The following DNAAF11 variants were observed in gnomAD, a reference collection of about 807,000 sequenced individuals.
DNAAF11 encodes the protein leucine rich repeat containing 6.
Under a neutral mutation model 60.8 loss-of-function variants are expected in DNAAF11, and 45 were observed. The ratio of observed to expected loss-of-function variants is 0.74; its 90% CI spans 0.58 to 0.95. The LOEUF is 0.95. Ranked by LOEUF, DNAAF11 falls within the 40% of genes least tolerant of loss-of-function variation. DNAAF11 has a pLI of 0.00. For synonymous variants in DNAAF11, 191 were observed against 183.5 expected (o/e 1.04, Z -0.33); for missense variants, 546 against 546.2 (o/e 1.00, Z 0.00).
intron 9 of DNAAF11, 105 bp downstream of exon 9, chr8:132,611,189 C>T (rs997133664): frequency 1.4e-5 from 11 of 771,714 alleles, no homozygotes; most frequent in African/African-American, 7.0e-5. Flanking sequence ...CCACTGCGCC[C>T]GGGCCCTTTT....
the DNAAF11 span, among the ~76,000 whole-genome samples, chr8:132,681,003 CT>C: frequency 7.5e-4 from 39 of 52,334 alleles, no homozygotes; most frequent in Admixed American, 1.4e-3. Flanking sequence ...ATAACTATTC[CT>C]TTTTTTTTTT....
At chr8:132,590,682 T>C (rs1240377249) in intron 10 of DNAAF11, among the ~76,000 whole-genome samples, 1 of 152,204 alleles carries the variant, frequency 6.6e-6, no homozygotes, top group East Asian at 1.9e-4. Flanking sequence ...CCTGGGAATC[T>C]AGTTTTTAGC....
the DNAAF11 span, among the ~76,000 whole-genome samples, chr8:132,697,027 G>A: frequency 2.0e-5 from 3 of 152,154 alleles, no homozygotes; most frequent in Non-Finnish European, 2.9e-5. Context: ...ACCTGCACAT[G>A]TACCCCTGAG....
chr8:132,636,061 G>A (rs748142084), intron 4 of DNAAF11, among the ~76,000 whole-genome samples: 6 of 151,732 alleles, frequency 4.0e-5, no homozygotes, highest in Non-Finnish European at 7.4e-5. Flanking sequence ...TGTTGTCTAA[G>A]CCATCTAGTT....
chr8:132,575,076 T>C (rs1814600443), intron 11 of DNAAF11, among the ~76,000 whole-genome samples: 1 of 152,208 alleles, frequency 6.6e-6, no homozygotes, highest in Admixed American at 6.5e-5. Context: ...CCCTCTTTCA[T>C]CTCATTTATT....
rs1303391555 is a variant in DNAAF11 at position 132,581,925 on chromosome 8, T to C, written c.1226+1769A>G. ...CTTCTTCCTTCATTTTACAGTGTTA[T>C]GGGACCACAAGAGGTCACTGATGAC... is the stretch of plus-strand genomic sequence containing the variant. On this transcript the variant is annotated intron_variant, in intron 11 of 11. Coordinates refer to ENST00000620350, the MANE Select transcript of DNAAF11 (RefSeq NM_012472.6). Among the ~76,000 whole-genome samples the C allele has an allele frequency of 2.6e-5, 4 of 152,226 alleles. No individual in the cohort carries two copies. In the East Asian group the frequency reaches 7.7e-4, roughly 29 times the overall value.
intron 10 of DNAAF11, chr8:132,608,384 C>T (rs886887520): frequency 2.7e-6 from 1 of 373,698 alleles, no homozygotes; most frequent in Non-Finnish European, 5.3e-6. Flanking sequence ...TATTTCATCT[C>T]CAATCAAGCA....
chr8:132,632,398 T>C (rs1820887732), intron 5 of DNAAF11, among the ~76,000 whole-genome samples: 2 of 152,238 alleles, frequency 1.3e-5, no homozygotes, highest in Non-Finnish European at 2.9e-5. Context: ...CAAATTATAA[T>C]GTGATTTGTA....
intron 1 of DNAAF11, among the ~76,000 whole-genome samples, chr8:132,670,686 G>A (rs1047379739): frequency 2.6e-5 from 4 of 152,076 alleles, no homozygotes; most frequent in Non-Finnish European, 5.9e-5. Flanking sequence ...TGTACCTCAT[G>A]AACACATATG....
chr8:132,664,603 A>C (rs1384929819), intron 1 of DNAAF11, among the ~76,000 whole-genome samples: 1 of 151,244 alleles, frequency 6.6e-6, no homozygotes, highest in Non-Finnish European at 1.5e-5. Context: ...CTGGAACTAC[A>C]GGCATGCGCC....
intron 3 of DNAAF11, 149 bp from the exon 4 acceptor site, chr8:132,638,256 G>C: frequency 1.6e-6 from 1 of 615,568 alleles, no homozygotes. Context: ...TGATTCTTCA[G>C]AAATATCAAC....
intron 10 of DNAAF11, among the ~76,000 whole-genome samples, chr8:132,585,094 T>C (rs151213339): frequency 6.6e-6 from 1 of 152,286 alleles, no homozygotes; most frequent in Non-Finnish European, 1.5e-5. Context: ...CCTAGCCCAT[T>C]GTTTATCATG....
intron 1 of DNAAF11, among the ~76,000 whole-genome samples, chr8:132,662,495 C>A (rs1328040748): frequency 2.6e-5 from 4 of 152,198 alleles, no homozygotes; most frequent in Non-Finnish European, 5.9e-5. Flanking sequence ...CTCACATCTT[C>A]TGTAGGATGT....
At position 132,570,776 on chromosome 8, in the gene DNAAF11, C is replaced by T. The variant is rs926489777; in HGVS notation, c.*1530G>A. ...ATCTTTCTTACCGCAGGCCTGCTGACGAAGGCTGGCTCCAAGCCCACCCAC... is the reference window on the plus strand; with the variant it reads ...ATCTTTCTTACCGCAGGCCTGCTGATGAAGGCTGGCTCCAAGCCCACCCAC... On this transcript the variant is annotated 3_prime_UTR_variant, in exon 12 of 12. Coordinates refer to ENST00000620350, the MANE Select transcript of DNAAF11 (RefSeq NM_012472.6). Among the ~76,000 whole-genome samples, 4 of 152,206 alleles carry T rather than the reference C, an allele frequency of 2.6e-5. No individual in the cohort carries two copies. Among genetic ancestry groups the T allele is most frequent in the African/African-American group, 7.2e-5 (3 of 41,458 alleles).
Position 132,614,957 on chromosome 8 carries a change from A to AT in DNAAF11, c.974+80dup, listed in dbSNP as rs1364371769. 5 of 875,514 alleles carry AT rather than the reference A, an allele frequency of 5.7e-6. No individual in the cohort carries two copies. The Admixed American group carries it at 1.1e-4, about 19-fold the overall frequency. The allele number at this position is 875,514 out of a possible 1,614,324, so 54.2% of individuals were successfully genotyped here. A position where few individuals can be genotyped will look rare whatever the true frequency, so the allele number is the denominator to read the frequency against. On this transcript the variant is annotated intron_variant, in intron 8 of 11. Coordinates refer to ENST00000620350, the MANE Select transcript of DNAAF11 (RefSeq NM_012472.6). Reference sequence around the variant, plus strand: ...ATAGGTCTAAGTCAATTCCATTTCAATTTTTTCAAACTAAAAAATTACTAC... The same window carrying AT: ...ATAGGTCTAAGTCAATTCCATTTCAATTTTTTTCAAACTAAAAAATTACTAC...
At chr8:132,623,058 G>C (rs1819917779) in intron 6 of DNAAF11, among the ~76,000 whole-genome samples, 1 of 152,136 alleles carries the variant, frequency 6.6e-6, no homozygotes, top group African/African-American at 2.4e-5. Context: ...TGTGCACAGA[G>C]CTTCTGCTTT....
At chr8:132,583,562 C>T (rs1359318618) in intron 11 of DNAAF11, 132 bp downstream of exon 11, 1 of 700,754 alleles carries the variant, frequency 1.4e-6, no homozygotes, top group Non-Finnish European at 2.5e-6. Context: ...GGGAAATAAA[C>T]ATTAACATTC....
At chr8:132,614,405 G>C (rs1320578103) in intron 8 of DNAAF11, among the ~76,000 whole-genome samples, 1 of 152,226 alleles carries the variant, frequency 6.6e-6, no homozygotes, top group African/African-American at 2.4e-5. Flanking sequence ...GAATGAGGCA[G>C]AGTGACCTGC....
At chr8:132,675,362 G>GGTCC (rs1825692512) in intron 1 of DNAAF11, 122 bp downstream of exon 1, 1 of 1,123,724 alleles carries the variant, frequency 8.9e-7, no homozygotes, top group Non-Finnish European at 1.3e-6. Context: ...GTGGGGTTAG[G>GGTCC]GTCCGCCCAG....
Sources: gnomAD v4.1 joint callset for allele counts (sites outside exome capture counted in the v4.1 genomes callset) on GRCh38, gnomAD v4.1.1 for gene constraint, MANE v1.5 for transcripts, NCBI Gene and HGNC (gene_info 2026-07-23, HGNC 2026-07-21) for gene names.